The following FER variants were observed in gnomAD, a reference collection of about 807,000 sequenced individuals.
The protein encoded by FER is FER tyrosine kinase.
In FER, 63 loss-of-function variants were observed where a neutral mutation model predicts 111.0. The ratio of observed to expected loss-of-function variants is 0.57; its 90% CI spans 0.46 to 0.70. The LOEUF (loss-of-function observed/expected upper bound fraction) is 0.70. FER is among the 30% of genes least tolerant of loss of function. The pLI is 0.00. For synonymous variants in FER, 327 were observed against 313.9 expected, an observed-to-expected ratio of 1.04 and a Z score of -0.44; for missense variants, 914 against 954.0, an observed-to-expected ratio of 0.96 and a Z score of 0.55.
At chr5:109,114,834 C>T (rs1750036879) in intron 17 of FER, among the ~76,000 whole-genome samples, 1 of 152,026 alleles carries the variant, frequency 6.6e-6, no homozygotes, top group Admixed American at 6.6e-5. Flanking sequence ...ATTTCCACTC[C>T]CCCTCTCATC....
At chr5:108,950,768 A>C (rs1462949408) in intron 11 of FER, among the ~76,000 whole-genome samples, 1 of 152,196 alleles carries the variant, frequency 6.6e-6, no homozygotes, top group Non-Finnish European at 1.5e-5. Flanking sequence ...AATTATGTTC[A>C]ACTATCAAAC....
intron 2 of FER, among the ~76,000 whole-genome samples, chr5:108,776,353 C>G (rs1376701659): frequency 6.6e-6 from 1 of 151,910 alleles, no homozygotes; most frequent in Non-Finnish European, 1.5e-5. Context: ...AAAACATAAT[C>G]CTGTTAAAAA....
chr5:108,847,156 CT>C (rs112723359), intron 5 of FER, among the ~76,000 whole-genome samples: 12,303 of 143,080 alleles, frequency 0.086, 544 homozygotes, highest in Middle Eastern at 0.096. Context: ...TCCTTAAATA[CT>C]TTTTTTTTTT....
intron 1 of FER, among the ~76,000 whole-genome samples, chr5:108,758,707 G>C (rs972211398): frequency 1.3e-5 from 2 of 152,172 alleles, no homozygotes; most frequent in East Asian, 3.9e-4. Flanking sequence ...ATCTGGATTA[G>C]GTGCTAATTA....
intron 5 of FER, among the ~76,000 whole-genome samples, chr5:108,839,778 T>C (rs1257150582): frequency 6.6e-6 from 1 of 151,856 alleles, no homozygotes; most frequent in Non-Finnish European, 1.5e-5. Context: ...GGGGTTTCAC[T>C]GTGTTAGCCA....
At chr5:109,010,567 G>A (rs1162687862) in intron 13 of FER, among the ~76,000 whole-genome samples, 1 of 151,972 alleles carries the variant, frequency 6.6e-6, no homozygotes, top group Non-Finnish European at 1.5e-5. Context: ...TCTCCTGTGG[G>A]TGATCCAAAT....
At chr5:108,879,701 A>AAAATATATATATATATATATAT in intron 8 of FER, among the ~76,000 whole-genome samples, 7 of 99,124 alleles carry the variant, frequency 7.1e-5, no homozygotes, top group South Asian at 6.2e-4. Flanking sequence ...ATTAAAAAAA[A>AAAATATATATATATATATATAT]ATATATATAT....
chr5:109,125,368 A>G (rs1466879932), intron 17 of FER, among the ~76,000 whole-genome samples: 1 of 152,086 alleles, frequency 6.6e-6, no homozygotes, highest in African/African-American at 2.4e-5. Context: ...TGATTTAAAT[A>G]TTTTATCTAT....
intron 10 of FER, among the ~76,000 whole-genome samples, chr5:108,901,808 G>A (rs1013251949): frequency 3.3e-5 from 5 of 152,004 alleles, no homozygotes; most frequent in African/African-American, 1.2e-4. Context: ...AAAATTAGTC[G>A]GGTGTGGTGG....
chr5:109,142,254 A>G (rs1753603671), intron 17 of FER, among the ~76,000 whole-genome samples: 1 of 152,198 alleles, frequency 6.6e-6, no homozygotes, highest in South Asian at 2.1e-4. Flanking sequence ...AGATTTAAAA[A>G]TAATAATTAA....
intron 13 of FER, among the ~76,000 whole-genome samples, chr5:108,996,219 C>T (rs1581569773): frequency 6.6e-6 from 1 of 152,102 alleles, no homozygotes; most frequent in Admixed American, 6.5e-5. Flanking sequence ...GTTGCGTGTT[C>T]ACTCTGATGA....
intron 15 of FER, among the ~76,000 whole-genome samples, chr5:109,045,828 G>A (rs1771892711): frequency 6.6e-6 from 1 of 152,170 alleles, no homozygotes; most frequent in Non-Finnish European, 1.5e-5. Context: ...AAATCCAGGG[G>A]GAGTTAGTCT....
At chr5:108,977,681 A>C (rs1425500456) in intron 13 of FER, among the ~76,000 whole-genome samples, 1 of 152,080 alleles carries the variant, frequency 6.6e-6, no homozygotes, top group Admixed American at 6.6e-5. Context: ...ATGTTTATAT[A>C]CTCCCTTTTC....
chr5:109,096,786 C>T lies in FER; in HGVS notation c.1925-3610C>T, dbSNP rs147758674. Among the ~76,000 whole-genome samples, 17 of 151,792 alleles carry T rather than the reference C, an allele frequency of 1.1e-4. 1 individual carries two copies. In the East Asian group the frequency reaches 3.1e-3, roughly 28 times the overall value. On this transcript the variant is annotated intron_variant, in intron 16 of 19. Transcript: ENST00000281092. The stretch of plus-strand genomic sequence containing the variant: ...GGTCAGGTTAAGTCAGGTTAATACC[C>T]TCCAAAATGGTAGAGGGGCAGTCTC...
At chr5:108,784,147 G>T in intron 2 of FER, 2 of 154,774 alleles carry the variant, frequency 1.3e-5, no homozygotes, top group South Asian at 3.6e-4. Context: ...CCAACGGCTG[G>T]GTAAACCAGA....
chr5:108,845,049 T>TATATATATATAC (rs1761866028), intron 5 of FER, among the ~76,000 whole-genome samples: 1 of 46,662 alleles, frequency 2.1e-5, no homozygotes, highest in Non-Finnish European at 4.0e-5. Context: ...TACATATATA[T>TATATATATATAC]ATATATATAT....
intron 17 of FER, among the ~76,000 whole-genome samples, chr5:109,180,115 G>A (rs1451038067): frequency 6.6e-6 from 1 of 152,156 alleles, no homozygotes; most frequent in African/African-American, 2.4e-5. Context: ...AAGAAGCCCA[G>A]TATGGATGGG....
chr5:108,920,460 A>G (rs1204110494), intron 10 of FER, among the ~76,000 whole-genome samples: 1 of 152,150 alleles, frequency 6.6e-6, no homozygotes, highest in African/African-American at 2.4e-5. Context: ...AAGTAATTAC[A>G]CTGATAATCT....
intron 13 of FER, among the ~76,000 whole-genome samples, chr5:109,011,383 A>G (rs373724190): frequency 2.6e-5 from 4 of 152,220 alleles, no homozygotes; most frequent in East Asian, 3.8e-4. Flanking sequence ...ACAAAGAATT[A>G]GTGAGATAAG....
Sources: allele counts gnomAD v4.1 joint callset (sites outside exome capture counted in the v4.1 genomes callset), GRCh38; gene constraint gnomAD v4.1.1; transcripts MANE v1.5; gene names NCBI Gene and HGNC (gene_info 2026-07-23, HGNC 2026-07-21).